The following RNF111 variants were observed in gnomAD, a reference collection of about 807,000 sequenced individuals.
The protein encoded by RNF111 is ring finger protein 111.
RNF111 carries 17 observed loss-of-function variants against 95.1 expected under a neutral mutation model. The observed-to-expected ratio is 0.18, with a 90% CI of 0.12 to 0.27. RNF111 has a LOEUF of 0.27. RNF111 is among the 10% of genes least tolerant of loss of function. The pLI is 1.00. For missense variants in RNF111, 1,189 were observed against 1,210.4 expected (o/e 0.98, Z 0.26); for synonymous variants, 440 against 414.8 (o/e 1.06, Z -0.74).
At chr15:58,998,015 C>A (rs2039157562) in intron 1 of RNF111, among the ~76,000 whole-genome samples, 1 of 151,658 alleles carries the variant, frequency 6.6e-6, no homozygotes, top group East Asian at 2.0e-4. Context: ...ATCAATTCTC[C>A]TGCCTCAGGC....
intron 1 of RNF111, among the ~76,000 whole-genome samples, chr15:59,008,364 C>T (rs978571875): frequency 3.3e-5 from 5 of 152,150 alleles, no homozygotes; most frequent in South Asian, 2.1e-4. Flanking sequence ...ACTGCAAGGA[C>T]GCACCACCAT....
At chr15:59,002,729 C>T (rs1347468836) in intron 1 of RNF111, among the ~76,000 whole-genome samples, 2 of 152,188 alleles carry the variant, frequency 1.3e-5, no homozygotes, top group African/African-American at 4.8e-5. Flanking sequence ...CAGGCTCTAC[C>T]TGATCTGGCC....
chr15:59,023,659 A>G (rs2040457335), intron 1 of RNF111, among the ~76,000 whole-genome samples: 4 of 152,202 alleles, frequency 2.6e-5, no homozygotes, highest in Non-Finnish European at 5.9e-5. Flanking sequence ...TTTTAAATAT[A>G]TATGCCCATT....
chr15:59,086,688 A>G (rs1214816528), intron 10 of RNF111, among the ~76,000 whole-genome samples: 1 of 152,246 alleles, frequency 6.6e-6, no homozygotes, highest in Non-Finnish European at 1.5e-5. Flanking sequence ...TGCAGAGGTT[A>G]CAGCATGTAA....
At chr15:59,073,260 C>A (rs141471543) in intron 6 of RNF111, among the ~76,000 whole-genome samples, 2 of 152,008 alleles carry the variant, frequency 1.3e-5, no homozygotes, top group Non-Finnish European at 2.9e-5. Context: ...AGATCACTTG[C>A]GGTCAGCAGT....
rs1422710326 is a variant in RNF111 at position 59,084,347 on chromosome 15, A to G, written c.2423+93A>G. 3.2e-6 allele frequency: 4 copies of G among 1,260,304 alleles called. No individual in the cohort carries two copies. The East Asian group carries it at 8.3e-5, about 26-fold the overall frequency. 78.1% of individuals were successfully genotyped at this position (1,260,304 alleles called of 1,614,324 possible). A position where few individuals can be genotyped will look rare whatever the true frequency, so the allele number is the denominator to read the frequency against. On this transcript the variant is annotated intron_variant, in intron 9 of 13. Transcript: ENST00000348370. ...TTGTGATTGATTGCTTTGCAGAAGG[A>G]TGATGTGGAGAAACCTAATCCCCAG... is the stretch of plus-strand genomic sequence containing the variant.
At chr15:59,004,515 G>A (rs1480700486) in intron 1 of RNF111, among the ~76,000 whole-genome samples, 1 of 152,074 alleles carries the variant, frequency 6.6e-6, no homozygotes, top group African/African-American at 2.4e-5. Context: ...AACCATAAAA[G>A]GTTTGTTAAA....
intron 1 of RNF111, among the ~76,000 whole-genome samples, chr15:59,005,086 G>A (rs1419235629): frequency 6.6e-6 from 1 of 152,148 alleles, no homozygotes; most frequent in Non-Finnish European, 1.5e-5. Context: ...ATCTAGAGGT[G>A]TTCTCCCAAA....
chr15:59,025,259 A>C (rs541027981), intron 1 of RNF111, among the ~76,000 whole-genome samples: 1 of 152,330 alleles, frequency 6.6e-6, no homozygotes, highest in Non-Finnish European at 1.5e-5. Context: ...AGGAAAGGTA[A>C]TAAGTTTATC....
chr15:59,057,524 A>T (rs542524315), intron 4 of RNF111, among the ~76,000 whole-genome samples: 1 of 152,278 alleles, frequency 6.6e-6, no homozygotes, highest in South Asian at 2.1e-4. Context: ...TATGCTTTGG[A>T]TGGATTTATT....
chr15:59,062,835 T>C (rs1168967389), intron 5 of RNF111, among the ~76,000 whole-genome samples: 2 of 152,184 alleles, frequency 1.3e-5, no homozygotes, highest in Non-Finnish European at 2.9e-5. Context: ...TTGGCACTAC[T>C]ATTGACTTTG....
At position 59,095,784 on chromosome 15, in the gene RNF111, G is replaced by T. The variant is rs1566951652; in HGVS notation, c.*884G>T. 2.6e-6 allele frequency: 1 copy of T among 381,382 alleles called. No individual in the cohort carries two copies. Among genetic ancestry groups the T allele is most frequent in the Non-Finnish European group, 4.6e-6 (1 of 215,614 alleles). 23.6% of individuals were successfully genotyped at this position (381,382 alleles called of 1,614,324 possible). A position where few individuals can be genotyped will look rare whatever the true frequency, so the allele number is the denominator to read the frequency against. Reference sequence around the variant, plus strand: ...AGACATGTAGAATTTGTTGTCTTCTGCTAAGCACGAAAAGTTAAGATATCT... The same window carrying T: ...AGACATGTAGAATTTGTTGTCTTCTTCTAAGCACGAAAAGTTAAGATATCT... On this transcript the variant is annotated 3_prime_UTR_variant, in exon 14 of 14. Transcript: ENST00000348370.
chr15:59,056,648 C>G (rs1375481475), intron 4 of RNF111, among the ~76,000 whole-genome samples: 1 of 152,036 alleles, frequency 6.6e-6, no homozygotes, highest in East Asian at 1.9e-4. Context: ...GGGCTATTTG[C>G]AGTTTGGGTG....
chr15:59,019,081 C>T (rs1307788705), intron 1 of RNF111, among the ~76,000 whole-genome samples: 2 of 150,238 alleles, frequency 1.3e-5, no homozygotes, highest in African/African-American at 4.9e-5. Context: ...GTGCCACCAC[C>T]CTGGCTAATT....
At chr15:59,027,588 G>T (rs1411333832) in intron 1 of RNF111, among the ~76,000 whole-genome samples, 1 of 151,854 alleles carries the variant, frequency 6.6e-6, no homozygotes, top group Non-Finnish European at 1.5e-5. Context: ...GAGTGCAATG[G>T]CGCAATCTCG....
chr15:59,078,608 A>G (rs1240080785), intron 7 of RNF111, among the ~76,000 whole-genome samples: 2 of 151,486 alleles, frequency 1.3e-5, no homozygotes, highest in East Asian at 1.9e-4. Flanking sequence ...CTGTAATCCC[A>G]GCACTTTCGG....
chr15:59,077,505 C>T (rs2078600972), intron 7 of RNF111, among the ~76,000 whole-genome samples: 1 of 152,086 alleles, frequency 6.6e-6, no homozygotes, highest in Non-Finnish European at 1.5e-5. Flanking sequence ...ATATGTCTTA[C>T]CTTTTAAAAA....
At chr15:59,022,942 G>A (rs1295370746) in intron 1 of RNF111, among the ~76,000 whole-genome samples, 1 of 152,076 alleles carries the variant, frequency 6.6e-6, no homozygotes, top group African/African-American at 2.4e-5. Context: ...GGATGACAGA[G>A]GATCTTTGAA....
rs775046252 is a variant in RNF111 at position 59,031,503 on chromosome 15, A to G, written c.681A>G (p.Lys227=). The change falls in exon 2 of 14, where the codon AAA becomes AAG. Residue 227 remains lysine, a synonymous_variant. Coordinates refer to ENST00000348370, the MANE Select transcript of RNF111 (RefSeq NM_017610.8). ...ATAATTCCTCACAGAGGACACAGAAACAAAAAGAGAGGATATTAATGCAGA... is the reference window on the plus strand; with the variant it reads ...ATAATTCCTCACAGAGGACACAGAAGCAAAAAGAGAGGATATTAATGCAGA... The part of the protein sequence containing the change: ...VKNNSSQRTQ[K]QKERILMQRK... The G allele has an allele frequency of 3.1e-6, 5 of 1,614,190 alleles. No individual in the cohort carries two copies. Among genetic ancestry groups the G allele is most frequent in the Middle Eastern group, 1.6e-4 (1 of 6,062 alleles).
Sources: allele counts gnomAD v4.1 joint callset (sites outside exome capture counted in the v4.1 genomes callset), GRCh38; gene constraint gnomAD v4.1.1; transcripts MANE v1.5; gene names NCBI Gene and HGNC (gene_info 2026-07-23, HGNC 2026-07-21).